Variants in TP63 observed in about 807,000 individuals in gnomAD.
The protein encoded by TP63 is tumor protein 63.
A neutral mutation model predicts 82.8 loss-of-function variants in TP63; 17 were observed. The ratio of observed to expected loss-of-function variants is 0.21; its 90% CI spans 0.14 to 0.31. The LOEUF is 0.31. Ranked by LOEUF, TP63 falls within the 10% of genes least tolerant of loss-of-function variation. The pLI, the probability that TP63 is intolerant of heterozygous loss-of-function variation, is 1.00. For missense variants in TP63, 648 were observed against 895.3 expected (o/e 0.72, Z 3.52); for synonymous variants, 330 against 321.7 (o/e 1.03, Z -0.28).
chr3:189,598,408 TAAAGC>T, the TP63 span, among the ~76,000 whole-genome samples: 3 of 151,294 alleles, frequency 2.0e-5, no homozygotes, highest in Admixed American at 2.0e-4. Flanking sequence ...GAGTGAAAGA[TAAAGC>T]AATATAGAAA....
At chr3:189,851,865 G>C (rs963484062) in intron 4 of TP63, among the ~76,000 whole-genome samples, 3 of 152,132 alleles carry the variant, frequency 2.0e-5, no homozygotes, top group African/African-American at 7.2e-5. Flanking sequence ...TGGACTATCA[G>C]CTCTCCAGGA....
At chr3:189,721,119 T>C (rs967218354) in intron 1 of TP63, among the ~76,000 whole-genome samples, 2 of 152,220 alleles carry the variant, frequency 1.3e-5, no homozygotes, top group Non-Finnish European at 2.9e-5. Context: ...AGAGAGTTTT[T>C]GGTGCAGTAG....
intron 1 of TP63, among the ~76,000 whole-genome samples, chr3:189,654,670 A>G (rs758468429): frequency 2.0e-5 from 3 of 152,216 alleles, no homozygotes; most frequent in Non-Finnish European, 2.9e-5. Flanking sequence ...ACCCTAAAAA[A>G]TGATTAATGG....
chr3:189,649,735 A>G (rs1478669611), intron 1 of TP63, among the ~76,000 whole-genome samples: 3 of 146,864 alleles, frequency 2.0e-5, no homozygotes, highest in African/African-American at 7.7e-5. Context: ...TCTGAGCGAC[A>G]TGGATCTGAG....
intron 6 of TP63, 131 bp from the exon 7 acceptor site, chr3:189,867,700 CAG>C (rs1717902652): frequency 1.2e-6 from 1 of 822,616 alleles, no homozygotes; most frequent in African/African-American, 1.7e-5. Context: ...CAACAGGGTT[CAG>C]AGTTTGCCCT....
chr3:189,819,553 G>T (rs1458858444), intron 4 of TP63, among the ~76,000 whole-genome samples: 1 of 151,584 alleles, frequency 6.6e-6, no homozygotes, highest in Non-Finnish European at 1.5e-5. Context: ...TGTTTACACT[G>T]TTTTATAAAA....
At chr3:189,632,191 A>G (rs1420804975) in intron 1 of TP63, among the ~76,000 whole-genome samples, 2 of 152,148 alleles carry the variant, frequency 1.3e-5, no homozygotes, top group Non-Finnish European at 2.9e-5. Context: ...AGACTTTGCT[A>G]TTTTTAAACT....
At chr3:189,655,799 G>GA (rs1713302001) in intron 1 of TP63, among the ~76,000 whole-genome samples, 1 of 152,074 alleles carries the variant, frequency 6.6e-6, no homozygotes, top group Admixed American at 6.6e-5. Flanking sequence ...TTCAGTCTTA[G>GA]AAAAAACCCA....
intron 4 of TP63, among the ~76,000 whole-genome samples, chr3:189,821,429 G>A (rs904312236): frequency 2.0e-5 from 3 of 152,144 alleles, no homozygotes; most frequent in Non-Finnish European, 2.9e-5. Flanking sequence ...AGAAAGAAAT[G>A]GCCACAGCTA....
At chr3:189,752,847 A>G (rs1047537192) in intron 3 of TP63, among the ~76,000 whole-genome samples, 5 of 151,922 alleles carry the variant, frequency 3.3e-5, no homozygotes, top group African/African-American at 1.2e-4. Flanking sequence ...TGATATATTT[A>G]TTTTTTATTT....
At chr3:189,687,756 C>G (rs1227811980) in intron 1 of TP63, among the ~76,000 whole-genome samples, 1 of 152,080 alleles carries the variant, frequency 6.6e-6, no homozygotes, top group Non-Finnish European at 1.5e-5. Flanking sequence ...AGTATTGTAT[C>G]GTTACCCTCA....
At chr3:189,662,830 A>G (rs556173286) in intron 1 of TP63, among the ~76,000 whole-genome samples, 38 of 152,176 alleles carry the variant, frequency 2.5e-4, no homozygotes, top group African/African-American at 8.2e-4. Flanking sequence ...ATTTGTGGAT[A>G]TATGTTACAG....
intron 3 of TP63, among the ~76,000 whole-genome samples, chr3:189,780,158 G>A (rs1024714641): frequency 6.9e-6 from 1 of 145,830 alleles, no homozygotes; most frequent in African/African-American, 2.4e-5. Context: ...TAGCAGTTAT[G>A]TGGGTGTTAA....
At chr3:189,885,473 A>G (rs187025731) in intron 10 of TP63, among the ~76,000 whole-genome samples, 1 of 152,356 alleles carries the variant, frequency 6.6e-6, no homozygotes, top group Non-Finnish European at 1.5e-5. Flanking sequence ...GATGTTAAGT[A>G]GCTCGCATGG....
chr3:189,893,922 C>A (rs1320332251), intron 13 of TP63, among the ~76,000 whole-genome samples: 1 of 152,014 alleles, frequency 6.6e-6, no homozygotes, highest in South Asian at 2.1e-4. Context: ...GGGATTTTTG[C>A]CCTCTCATCT....
intron 3 of TP63, among the ~76,000 whole-genome samples, chr3:189,787,821 C>A (rs1724734421): frequency 6.6e-6 from 1 of 151,986 alleles, no homozygotes; most frequent in South Asian, 2.1e-4. Context: ...TCATCCAGAA[C>A]CGCCTAGCAG....
chr3:189,889,344 C>A lies in TP63; in HGVS notation c.1512C>A (p.Pro504=). 6.2e-7 allele frequency: 1 copy of A among 1,614,148 alleles called. No homozygotes were observed. The highest frequency in any genetic ancestry group is 8.5e-7 in the Non-Finnish European group (1 of 1,180,020). Residue 504 remains proline, a synonymous_variant, in exon 12 of 14, where the codon CCC becomes CCA. Transcript: ENST00000264731. ...GTTCCTCCTGCTTCTGTTCAGTTCCCATGATGGGCACCCACATGCCAATGG... is the reference window on the plus strand; with the variant it reads ...GTTCCTCCTGCTTCTGTTCAGTTCCAATGATGGGCACCCACATGCCAATGG... ...TIPDGMGANI[P]MMGTHMPMAG...
intron 1 of TP63, among the ~76,000 whole-genome samples, chr3:189,675,036 C>G (rs1715270048): frequency 6.6e-6 from 1 of 152,120 alleles, no homozygotes; most frequent in Admixed American, 6.6e-5. Flanking sequence ...GAATTTCTCT[C>G]TCATAGTTCT....
At chr3:189,612,497 C>A in the TP63 span, among the ~76,000 whole-genome samples, 6 of 152,138 alleles carry the variant, frequency 3.9e-5, no homozygotes, top group East Asian at 1.2e-3. Flanking sequence ...AACCTCCTTT[C>A]TTTGTAAATT....
Sources: allele counts gnomAD v4.1 joint callset (sites outside exome capture counted in the v4.1 genomes callset), GRCh38; gene constraint gnomAD v4.1.1; transcripts MANE v1.5; gene names NCBI Gene and HGNC (gene_info 2026-07-23, HGNC 2026-07-21).